Variants in EIF5A2 observed in about 807,000 individuals in gnomAD.
EIF5A2 encodes eukaryotic translation initiation factor 5A2, also known as eukaryotic translation initiation factor 5A-2.
Under a neutral mutation model 16.4 loss-of-function variants are expected in EIF5A2, and 15 were observed. The ratio of observed to expected loss-of-function variants is 0.92; its 90% confidence interval spans 0.61 to 1.41. The LOEUF is 1.41. Among genes scored for constraint, EIF5A2 ranks in the 40% most tolerant of loss-of-function variants. The pLI is 0.00. For missense variants in EIF5A2, 144 were observed against 189.5 expected, an observed-to-expected ratio of 0.76 and a Z score of 1.41; for synonymous variants, 48 against 61.1, an observed-to-expected ratio of 0.79 and a Z score of 1.00.
intron 3 of EIF5A2, among the ~76,000 whole-genome samples, chr3:170,899,447 G>T (rs1423773238): frequency 6.6e-6 from 1 of 151,560 alleles, no homozygotes; most frequent in Non-Finnish European, 1.5e-5. Flanking sequence ...TAGATACAGG[G>T]TCTTCCTGTG....
Position 170,893,154 on chromosome 3 carries a change from A to T in EIF5A2, c.*206T>A. The T allele has an allele frequency of 2.2e-6, 1 of 461,024 alleles. No individual in the cohort carries two copies. Among genetic ancestry groups the T allele is most frequent in the South Asian group, 5.3e-5 (1 of 18,922 alleles). The allele number at this position is 461,024 out of a possible 1,614,324, so 28.6% of individuals were successfully genotyped here. ...ACCACAGGAATATTATAGGAAACATATCTACAAAATTCAAAAAAAATTATA... is the reference window on the plus strand; with the variant it reads ...ACCACAGGAATATTATAGGAAACATTTCTACAAAATTCAAAAAAAATTATA... On this transcript the variant is annotated 3_prime_UTR_variant, in exon 5 of 5. Transcript: ENST00000295822.
intron 3 of EIF5A2, among the ~76,000 whole-genome samples, chr3:170,896,984 C>T (rs530111184): frequency 4.6e-5 from 7 of 152,288 alleles, no homozygotes; most frequent in South Asian, 2.1e-4. Flanking sequence ...TCACTCCTGC[C>T]GTGCTTTAGC....
At chr3:170,905,095 C>A (rs1285930202) in intron 3 of EIF5A2, among the ~76,000 whole-genome samples, 1 of 152,180 alleles carries the variant, frequency 6.6e-6, no homozygotes, top group Non-Finnish European at 1.5e-5. Context: ...ACCAAAAAAA[C>A]CTCAGTGATC....
At chr3:170,896,322 A>G (rs1712668788) in intron 3 of EIF5A2, among the ~76,000 whole-genome samples, 2 of 152,288 alleles carry the variant, frequency 1.3e-5, no homozygotes, top group Admixed American at 1.3e-4. Flanking sequence ...TTTCAAAAAT[A>G]AAACTAAGCT....
chr3:170,894,823 G>A (rs1447295658), intron 3 of EIF5A2, among the ~76,000 whole-genome samples: 1 of 151,162 alleles, frequency 6.6e-6, no homozygotes, highest in Non-Finnish European at 1.5e-5. Context: ...TCAGGAGATT[G>A]AGACCATCCT....
intron 3 of EIF5A2, among the ~76,000 whole-genome samples, chr3:170,900,450 C>CCAGAT (rs1712782762): frequency 6.6e-6 from 1 of 151,048 alleles, no homozygotes; most frequent in African/African-American, 2.4e-5. Flanking sequence ...AATTCCAGGT[C>CCAGAT]CAGATCAGGA....
chr3:170,903,459 A>G (rs1712860722), intron 3 of EIF5A2, among the ~76,000 whole-genome samples: 1 of 152,174 alleles, frequency 6.6e-6, no homozygotes, highest in African/African-American at 2.4e-5. Context: ...ATATATTTCA[A>G]TATATGATGC....
In EIF5A2 at chr3:170,889,048, C is replaced by CTGTTTTTTT. The variant is rs1712457435; in HGVS notation, c.*4311_*4312insAAAAAAACA. On this transcript the variant is annotated 3_prime_UTR_variant, in exon 5 of 5. Coordinates refer to ENST00000295822, the MANE Select transcript of EIF5A2 (RefSeq NM_020390.6). ...ACTTCATATAAATACAATAACCTGTCTTTTTTTTTTTTTTTTTTTTTTTGT... is the reference window on the plus strand; with the variant it reads ...ACTTCATATAAATACAATAACCTGTCTGTTTTTTTTTTTTTTTTTTTTTTTTTTTTTTGT... 1 of 96,188 alleles carries CTGTTTTTTT rather than the reference C, an allele frequency of 1.0e-5. No individual in the cohort carries two copies. Among genetic ancestry groups the CTGTTTTTTT allele is most frequent in the Admixed American group, 1.4e-4 (1 of 7,116 alleles). 6.0% of individuals were successfully genotyped at this position (96,188 alleles called of 1,614,324 possible).
chr3:170,889,048 C>CTTGTTTTTTT lies in EIF5A2; in HGVS notation c.*4311_*4312insAAAAAAACAA, dbSNP rs1183125050. On this transcript the variant is annotated 3_prime_UTR_variant, in exon 5 of 5. Transcript: ENST00000295822. ...ACTTCATATAAATACAATAACCTGT[C>CTTGTTTTTTT]TTTTTTTTTTTTTTTTTTTTTTTGT... is the stretch of plus-strand genomic sequence containing the variant. 1.0e-5 allele frequency: 1 copy of CTTGTTTTTTT among 96,186 alleles called. No homozygotes were observed. Among genetic ancestry groups the CTTGTTTTTTT allele is most frequent in the African/African-American group, 4.1e-5 (1 of 24,292 alleles). 6.0% of individuals were successfully genotyped at this position (96,186 alleles called of 1,614,324 possible). A position where few individuals can be genotyped will look rare whatever the true frequency, so the allele number is the denominator to read the frequency against.
chr3:170,897,502 G>A (rs760991867), intron 3 of EIF5A2, among the ~76,000 whole-genome samples: 12 of 152,204 alleles, frequency 7.9e-5, no homozygotes, highest in Non-Finnish European at 1.6e-4. Flanking sequence ...TCCAGCTGTG[G>A]CTAAAAGGGG....
chr3:170,892,800 A>G lies in EIF5A2; in HGVS notation c.*560T>C. ...ATCAAGTTTGCCAACAATTTGGTAA[A>G]TAGTATGACCAAAGTAATCACATGG... On this transcript the variant is annotated 3_prime_UTR_variant, in exon 5 of 5. Coordinates refer to ENST00000295822, the MANE Select transcript of EIF5A2 (RefSeq NM_020390.6). 2.5e-6 allele frequency: 1 copy of G among 398,906 alleles called. No individual in the cohort carries two copies. Among genetic ancestry groups the G allele is most frequent in the Non-Finnish European group, 4.4e-6 (1 of 226,112 alleles). 24.7% of individuals were successfully genotyped at this position (398,906 alleles called of 1,614,324 possible).
intron 3 of EIF5A2, among the ~76,000 whole-genome samples, chr3:170,900,655 G>C (rs796227250): frequency 2.0e-5 from 3 of 152,256 alleles, no homozygotes; most frequent in African/African-American, 7.2e-5. Context: ...TTAAATGCTC[G>C]AGTTTATAAT....
rs1439817804 is a variant in EIF5A2 at position 170,892,712 on chromosome 3, CCCAACAGT to C, written c.*640_*647del. On this transcript the variant is annotated 3_prime_UTR_variant, in exon 5 of 5. Transcript: ENST00000295822. The stretch of plus-strand genomic sequence containing the variant: ...AATCTTACTTGCTAACTAACTTTCA[CCCAACAGT>C]TCAGTGCCCTTCTGCCAACCATAAG... The C allele has an allele frequency of 5.0e-6, 2 of 398,344 alleles. No homozygotes were observed. The highest frequency in any genetic ancestry group is 8.8e-6 in the Non-Finnish European group (2 of 226,004). 24.7% of individuals were successfully genotyped at this position (398,344 alleles called of 1,614,324 possible).
At chr3:170,895,532 A>G (rs114585053) in intron 3 of EIF5A2, among the ~76,000 whole-genome samples, 190 of 152,302 alleles carry the variant, frequency 1.2e-3, no homozygotes, top group African/African-American at 4.5e-3. Flanking sequence ...ACCAGCTACT[A>G]ATATCTACAA....
chr3:170,907,173 G>A (rs977793992), intron 2 of EIF5A2, 80 bp from the exon 3 acceptor site: 2 of 847,286 alleles, frequency 2.4e-6, no homozygotes, highest in Non-Finnish European at 1.8e-6. Flanking sequence ...CAATACCAAT[G>A]CTGATTACAA....
At position 170,907,722 on chromosome 3, in the gene EIF5A2, C is replaced by T; in HGVS notation, c.85G>A (p.Gly29Ser). Residue 29 changes from glycine to serine, a missense_variant, in exon 2 of 5, where the codon GGC becomes AGC. Gly to Ser is a moderately conservative substitution (Grantham distance 56). Transcript: ENST00000295822. ...PMQCSALRKN[G>S]FVVLKGRPCK... ...GGTCGTCCTTTGAGCACCACGAAGCCGTTTTTGCGCAAGGCCGAGCACTGC... is the reference window on the plus strand; with the variant it reads ...GGTCGTCCTTTGAGCACCACGAAGCTGTTTTTGCGCAAGGCCGAGCACTGC... 6.2e-7 allele frequency: 1 copy of T among 1,610,812 alleles called. No homozygotes were observed. The highest frequency in any genetic ancestry group is 8.5e-7 in the Non-Finnish European group (1 of 1,177,442).
chr3:170,900,008 T>C (rs779898671), intron 3 of EIF5A2, among the ~76,000 whole-genome samples: 3 of 151,832 alleles, frequency 2.0e-5, no homozygotes, highest in African/African-American at 4.8e-5. Flanking sequence ...CAAAAAACTT[T>C]AGAGATGTTA....
In EIF5A2 at chr3:170,894,822, T is replaced by A. The variant is rs1381897463; in HGVS notation, c.271-399A>T. ...CGGGCGGATCATGAGGTCAGGAGAT[T>A]GAGACCATCCTGGCTAACACGGTGA... On this transcript the variant is annotated intron_variant, in intron 3 of 4. Coordinates refer to ENST00000295822, the MANE Select transcript of EIF5A2 (RefSeq NM_020390.6). 2.6e-5 allele frequency among the ~76,000 whole-genome samples: 4 copies of A among 151,276 alleles called. No homozygotes were observed. In the East Asian group the frequency reaches 7.8e-4, roughly 29 times the overall value.
intron 3 of EIF5A2, among the ~76,000 whole-genome samples, chr3:170,899,343 A>G (rs766669222): frequency 1.3e-5 from 2 of 151,416 alleles, no homozygotes; most frequent in African/African-American, 2.4e-5. Flanking sequence ...GATCCACCCA[A>G]CTCAGCCTCC....
Sources: gnomAD v4.1 joint callset for allele counts (sites outside exome capture counted in the v4.1 genomes callset) on GRCh38, gnomAD v4.1.1 for gene constraint, MANE v1.5 for transcripts, NCBI Gene and HGNC (gene_info 2026-07-23, HGNC 2026-07-21) for gene names.